Variants in CTNND2 observed in about 807,000 individuals in gnomAD.
CTNND2 encodes catenin delta-2.
A neutral mutation model predicts 144.4 loss-of-function variants in CTNND2; 22 were observed. That is an observed-to-expected ratio of 0.15 (90% CI 0.11 to 0.22). CTNND2 has a LOEUF of 0.22. CTNND2 is among the 10% of genes least tolerant of loss of function. CTNND2 has a pLI of 1.00. For synonymous variants in CTNND2, 751 were observed against 695.6 expected, an observed-to-expected ratio of 1.08 and a Z score of -1.25; for missense variants, 1,353 against 1,618.8, an observed-to-expected ratio of 0.84 and a Z score of 2.82.
intron 2 of CTNND2, among the ~76,000 whole-genome samples, chr5:11,594,325 T>C (rs902417904): frequency 6.6e-6 from 1 of 152,206 alleles, no homozygotes; most frequent in Non-Finnish European, 1.5e-5. Flanking sequence ...GTAATTGCAG[T>C]TTTTGCCATT....
intron 2 of CTNND2, among the ~76,000 whole-genome samples, chr5:11,724,912 A>ATTT (rs34852559): frequency 5.2e-4 from 78 of 149,112 alleles, no homozygotes; most frequent in Middle Eastern, 3.4e-3. Flanking sequence ...GTCAAAAGTG[A>ATTT]TTTTTTTTTT....
intron 9 of CTNND2, among the ~76,000 whole-genome samples, chr5:11,277,759 C>T (rs750010710): frequency 2.2e-4 from 33 of 152,006 alleles, no homozygotes; most frequent in Non-Finnish European, 4.3e-4. Context: ...CTCAAACTGC[C>T]GACCTCAAGT....
chr5:11,620,642 T>A (rs1780785014), intron 2 of CTNND2, among the ~76,000 whole-genome samples: 1 of 152,160 alleles, frequency 6.6e-6, no homozygotes, highest in Non-Finnish European at 1.5e-5. Context: ...TTAATAGCAG[T>A]TGTCTCCTGG....
intron 3 of CTNND2, among the ~76,000 whole-genome samples, chr5:11,457,419 A>G (rs1043788587): frequency 6.6e-6 from 1 of 152,214 alleles, no homozygotes; most frequent in South Asian, 2.1e-4. Flanking sequence ...TTAAATTTCC[A>G]TGACAATTGA....
chr5:11,864,712 T>G (rs1014868119), intron 1 of CTNND2, among the ~76,000 whole-genome samples: 2 of 152,046 alleles, frequency 1.3e-5, no homozygotes, highest in African/African-American at 4.8e-5. Flanking sequence ...CTTTACAGCC[T>G]AACTTAAGAG....
Position 11,469,283 on chromosome 5 carries a change from T to C in CTNND2, c.288-57214A>G, listed in dbSNP as rs189169349. Reference sequence around the variant, plus strand: ...CCCCTGGAAATCAGATATGTATTAATATTTTTGCATGCAGATTGTAATTTA... The same window carrying C: ...CCCCTGGAAATCAGATATGTATTAACATTTTTGCATGCAGATTGTAATTTA... On this transcript the variant is annotated intron_variant, in intron 3 of 21. Transcript: ENST00000304623. Among the ~76,000 whole-genome samples the C allele has an allele frequency of 3.5e-3, 536 of 152,322 alleles. 2 individuals are homozygous for C. Among genetic ancestry groups the C allele is most frequent in the Non-Finnish European group, 6.3e-3 (431 of 68,036 alleles).
intron 17 of CTNND2, among the ~76,000 whole-genome samples, chr5:11,022,445 A>G (rs1742350879): frequency 6.6e-6 from 1 of 152,170 alleles, no homozygotes; most frequent in Non-Finnish European, 1.5e-5. Context: ...AGAGCTGAAG[A>G]GGCACAGAGC....
At chr5:11,359,507 A>C (rs1756230166) in intron 8 of CTNND2, among the ~76,000 whole-genome samples, 1 of 152,184 alleles carries the variant, frequency 6.6e-6, no homozygotes, top group Non-Finnish European at 1.5e-5. Context: ...TCTGTTGACC[A>C]GGGACCACTC....
intron 3 of CTNND2, among the ~76,000 whole-genome samples, chr5:11,520,633 CTTTT>C (rs1296872423): frequency 6.6e-6 from 1 of 152,202 alleles, no homozygotes; most frequent in Non-Finnish European, 1.5e-5. Flanking sequence ...CATCTCATTT[CTTTT>C]GAGTCCTCCA....
chr5:11,146,291 T>G (rs1386961622), intron 12 of CTNND2, among the ~76,000 whole-genome samples: 2 of 152,122 alleles, frequency 1.3e-5, no homozygotes, highest in African/African-American at 4.8e-5. Context: ...AAGGAGAGGA[T>G]GAGATGGCTA....
intron 1 of CTNND2, among the ~76,000 whole-genome samples, chr5:11,809,718 G>C (rs10051025): frequency 0.085 from 12,983 of 152,204 alleles, 1,629 homozygotes; most frequent in African/African-American, 0.27. Context: ...ACAGCTCATC[G>C]AAGGGTCACA....
At chr5:11,764,476 A>G (rs941827568) in intron 1 of CTNND2, among the ~76,000 whole-genome samples, 2 of 152,250 alleles carry the variant, frequency 1.3e-5, no homozygotes, top group African/African-American at 4.8e-5. Flanking sequence ...AAAACAGTTG[A>G]ACTTGATTCT....
At chr5:11,822,962 G>A (rs191514048) in intron 1 of CTNND2, among the ~76,000 whole-genome samples, 1 of 152,266 alleles carries the variant, frequency 6.6e-6, no homozygotes, top group East Asian at 1.9e-4. Context: ...TGTCACTACA[G>A]ACCACTAAGT....
chr5:11,589,185 C>T (rs1779076536), intron 2 of CTNND2, among the ~76,000 whole-genome samples: 1 of 152,054 alleles, frequency 6.6e-6, no homozygotes, highest in South Asian at 2.1e-4. Context: ...CAAAAGGACC[C>T]TCCCACTAGC....
intron 12 of CTNND2, among the ~76,000 whole-genome samples, chr5:11,131,658 G>A (rs908423872): frequency 9.2e-5 from 14 of 152,038 alleles, no homozygotes; most frequent in Admixed American, 2.0e-4. Context: ...GCGTGGTGGC[G>A]GGCGCCTGTA....
intron 2 of CTNND2, among the ~76,000 whole-genome samples, chr5:11,668,114 A>G (rs1227494058): frequency 6.6e-6 from 1 of 152,052 alleles, no homozygotes; most frequent in African/African-American, 2.4e-5. Flanking sequence ...GTTCTGTTCC[A>G]TTGGTCTATA....
intron 3 of CTNND2, among the ~76,000 whole-genome samples, chr5:11,561,534 G>C (rs1231326354): frequency 6.6e-6 from 1 of 152,204 alleles, no homozygotes; most frequent in African/African-American, 2.4e-5. Flanking sequence ...AAGAGATTAA[G>C]AGAACACAAT....
chr5:11,453,313 T>C (rs1259837808), intron 3 of CTNND2, among the ~76,000 whole-genome samples: 2 of 152,222 alleles, frequency 1.3e-5, no homozygotes, highest in East Asian at 1.9e-4. Context: ...CTAAAATCCA[T>C]GTTATCAACA....
chr5:11,337,614 C>T (rs764961191), intron 9 of CTNND2, among the ~76,000 whole-genome samples: 7 of 152,050 alleles, frequency 4.6e-5, no homozygotes, highest in South Asian at 2.1e-4. Context: ...AGATTAACCA[C>T]GAAAGAGGAA....
Sources: gnomAD v4.1 joint callset for allele counts (sites outside exome capture counted in the v4.1 genomes callset) on GRCh38, gnomAD v4.1.1 for gene constraint, MANE v1.5 for transcripts, NCBI Gene and HGNC (gene_info 2026-07-23, HGNC 2026-07-21) for gene names.